COLEC10: variants seen among roughly 807,000 people sequenced by gnomAD.
COLEC10 encodes collectin-10.
COLEC10 carries 22 observed loss-of-function variants against 28.4 expected under a neutral mutation model. The ratio of observed to expected loss-of-function variants is 0.78; its 90% CI spans 0.55 to 1.11. The LOEUF (loss-of-function observed/expected upper bound fraction) is 1.11, where lower values mean the gene tolerates loss of function less well. COLEC10 is among the 50% of genes least tolerant of loss of function. The pLI is 0.00. For synonymous variants in COLEC10, 125 were observed against 116.1 expected (o/e 1.08, Z -0.49); for missense variants, 361 against 344.1 (o/e 1.05, Z -0.39).
chr8:118,977,578 C>T, the COLEC10 span, among the ~76,000 whole-genome samples: 4 of 129,422 alleles, frequency 3.1e-5, no homozygotes, highest in African/African-American at 6.0e-5. Context: ...GGAAGGGGAA[C>T]ATCACACTCT....
intron 2 of COLEC10, among the ~76,000 whole-genome samples, chr8:119,052,126 A>G (rs146106633): frequency 8.0e-4 from 122 of 152,326 alleles, no homozygotes; most frequent in African/African-American, 2.8e-3. Flanking sequence ...ACCATCTACA[A>G]GATTATTAAA....
chr8:119,021,275 A>G (rs575639811), intron 2 of COLEC10, among the ~76,000 whole-genome samples: 109 of 152,322 alleles, frequency 7.2e-4, no homozygotes, highest in African/African-American at 2.6e-3. Flanking sequence ...CATGTATCAA[A>G]TTATTTCCAA....
chr8:119,009,054 G>A lies in COLEC10; in HGVS notation n.123-387G>A, dbSNP rs561045543. 4.0e-4 allele frequency among the ~76,000 whole-genome samples: 60 copies of A among 151,012 alleles called. 4 individuals are homozygous for A. Among genetic ancestry groups the A allele is most frequent in the African/African-American group, 1.4e-3 (57 of 40,512 alleles). ...CTCTGTTAGGCGGGCAGTGCCTTTC[G>A]TACTGATACATGCTTCAGCTACCAT... is the stretch of plus-strand genomic sequence containing the variant. On this transcript the variant is annotated intron_variant and non_coding_transcript_variant, in intron 1 of 6. Transcript: ENST00000521788.
chr8:119,102,230 C>G (rs1285893617), intron 3 of COLEC10, 118 bp from the exon 4 acceptor site: 3 of 298,494 alleles, frequency 1.0e-5, no homozygotes, highest in Non-Finnish European at 1.9e-5. Context: ...CTCCCTCCCT[C>G]CCTCCCTCCC....
At chr8:119,049,161 C>T (rs1234611099) in intron 2 of COLEC10, among the ~76,000 whole-genome samples, 1 of 151,958 alleles carries the variant, frequency 6.6e-6, no homozygotes, top group African/African-American at 2.4e-5. Context: ...AAAAATAGTC[C>T]CCCAATCTCT....
At position 119,107,127 on chromosome 8, in the gene COLEC10, A is replaced by G. The variant is rs1815964865; in HGVS notation, c.*936A>G. On this transcript the variant is annotated 3_prime_UTR_variant, in exon 6 of 6. Coordinates refer to ENST00000332843, the MANE Select transcript of COLEC10 (RefSeq NM_006438.5). ...GGAAGGAGTTTGTGAAGCCTTAAGA[A>G]AATTCTGGAAGCTTCAAAGTGCTAC... Among the ~76,000 whole-genome samples the G allele has an allele frequency of 6.6e-6, 1 of 152,206 alleles. No individual in the cohort carries two copies. The highest frequency in any genetic ancestry group is 1.5e-5 in the Non-Finnish European group (1 of 68,032).
chr8:119,014,454 G>A (rs1235680178), intron 2 of COLEC10, among the ~76,000 whole-genome samples: 1 of 149,806 alleles, frequency 6.7e-6, no homozygotes, highest in Non-Finnish European at 1.5e-5. Flanking sequence ...CTGTAGGTAA[G>A]CCAGTTTTCT....
At position 119,002,526 on chromosome 8, in the gene COLEC10, G is replaced by A. The variant is rs1048891778; in HGVS notation, n.123-6915G>A. The stretch of plus-strand genomic sequence containing the variant: ...GAAATTGAACAACTCTGGATTCGGG[G>A]CCAGGACCCAACTGTTAAAACATAT... On this transcript the variant is annotated intron_variant and non_coding_transcript_variant, in intron 1 of 6. Transcript: ENST00000521788. Among the ~76,000 whole-genome samples, 3 of 152,054 alleles carry A rather than the reference G, an allele frequency of 2.0e-5. No individual in the cohort carries two copies. In the South Asian group the frequency reaches 6.2e-4, roughly 32 times the overall value.
At chr8:119,080,616 A>G (rs920197649) in intron 1 of COLEC10, among the ~76,000 whole-genome samples, 2 of 152,124 alleles carry the variant, frequency 1.3e-5, no homozygotes, top group African/African-American at 4.8e-5. Context: ...TTCCATTTAC[A>G]TCATTTATTA....
intron 2 of COLEC10, among the ~76,000 whole-genome samples, chr8:119,032,703 C>G (rs931083900): frequency 3.3e-5 from 5 of 152,130 alleles, no homozygotes; most frequent in Admixed American, 3.3e-4. Context: ...AGATTGAGAC[C>G]ACCCTGGCTA....
At chr8:119,051,420 G>T (rs1814670817) in intron 2 of COLEC10, among the ~76,000 whole-genome samples, 1 of 152,122 alleles carries the variant, frequency 6.6e-6, no homozygotes, top group Non-Finnish European at 1.5e-5. Context: ...TAAAGTGAAG[G>T]TTTTTATGAA....
chr8:118,980,241 C>T, the COLEC10 span, among the ~76,000 whole-genome samples: 2 of 150,698 alleles, frequency 1.3e-5, no homozygotes, highest in South Asian at 4.2e-4. Flanking sequence ...TCTCTGTAGC[C>T]CAGGCTGGTT....
chr8:119,102,613 C>T (rs955510019), intron 4 of COLEC10: 1 of 465,848 alleles, frequency 2.1e-6, no homozygotes, highest in African/African-American at 2.0e-5. Flanking sequence ...CACGTTTCAT[C>T]CCTGCCATGC....
intron 1 of COLEC10, among the ~76,000 whole-genome samples, chr8:119,086,388 G>GT (rs68051732): frequency 0.53 from 79,395 of 150,114 alleles, 20,988 homozygotes; most frequent in East Asian, 0.7. Context: ...CGGCGGGGAG[G>GT]TGGGGGGGGT....
upstream of COLEC10, among the ~76,000 whole-genome samples, chr8:119,064,562 C>T (rs1814918378): frequency 6.6e-6 from 1 of 152,162 alleles, no homozygotes; most frequent in Non-Finnish European, 1.5e-5. Context: ...TGGCAATTGA[C>T]ATTATGTGAT....
chr8:119,099,587 A>C (rs1815782782), intron 3 of COLEC10, among the ~76,000 whole-genome samples: 1 of 150,260 alleles, frequency 6.7e-6, no homozygotes, highest in African/African-American at 2.4e-5. Context: ...CTTTCATTGC[A>C]CCACACTGCT....
chr8:119,019,303 T>A (rs767579153), intron 2 of COLEC10, among the ~76,000 whole-genome samples: 1 of 152,126 alleles, frequency 6.6e-6, no homozygotes, highest in Non-Finnish European at 1.5e-5. Flanking sequence ...TGGAAGCCTA[T>A]GTTCTCTGTT....
chr8:119,077,927 A>G (rs182966557), intron 1 of COLEC10, among the ~76,000 whole-genome samples: 3 of 152,232 alleles, frequency 2.0e-5, no homozygotes, highest in Admixed American at 2.0e-4. Flanking sequence ...AGACTGTACA[A>G]AAAGTTTGGT....
chr8:118,974,765 T>C, the COLEC10 span, among the ~76,000 whole-genome samples: 1 of 152,034 alleles, frequency 6.6e-6, no homozygotes, highest in Non-Finnish European at 1.5e-5. Context: ...GTGGCAGCCA[T>C]AATAAAACAC....
Sources: allele counts gnomAD v4.1 joint callset (sites outside exome capture counted in the v4.1 genomes callset), GRCh38; gene constraint gnomAD v4.1.1; transcripts MANE v1.5; gene names NCBI Gene and HGNC (gene_info 2026-07-23, HGNC 2026-07-21).